Variants in ZNF354A observed in about 807,000 individuals in gnomAD.
ZNF354A encodes epididymis luminal protein 104.
In ZNF354A, 25 loss-of-function variants were observed where a neutral mutation model predicts 53.3. The observed-to-expected ratio is 0.47, with a 90% confidence interval of 0.34 to 0.66. The LOEUF (loss-of-function observed/expected upper bound fraction) is 0.66, where lower values mean the gene tolerates loss of function less well. ZNF354A is among the 30% of genes least tolerant of loss of function. The probability of loss-of-function intolerance (pLI) is 0.01; values close to 1 mark genes in which losing one functional copy is unlikely to be tolerated. For missense variants in ZNF354A, 586 were observed against 716.8 expected (o/e 0.82, Z 2.08); for synonymous variants, 228 against 249.0 (o/e 0.92, Z 0.79).
intron 4 of ZNF354A, among the ~76,000 whole-genome samples, chr5:178,717,077 C>CAGAA (rs1765729361): frequency 1.5e-5 from 1 of 65,522 alleles, no homozygotes; most frequent in Non-Finnish European, 2.8e-5. Flanking sequence ...GACTCCATCT[C>CAGAA]AAAAAAAAAA....
At chr5:178,727,982 G>A (rs1281289380) in intron 2 of ZNF354A, among the ~76,000 whole-genome samples, 1 of 152,066 alleles carries the variant, frequency 6.6e-6, no homozygotes, top group Non-Finnish European at 1.5e-5. Flanking sequence ...TCCTGAGTAG[G>A]TGGGATTACA....
chr5:178,729,409 G>C (rs1765981840), intron 1 of ZNF354A: 1 of 238,080 alleles, frequency 4.2e-6, no homozygotes, highest in South Asian at 4.8e-5. Flanking sequence ...GGCAGCGCCG[G>C]GGCACCTGCC....
Position 178,723,903 on chromosome 5 carries a change from C to CAGAATTTCAG in ZNF354A, c.256+1472_256+1473insCTGAAATTCT, listed in dbSNP as rs1363436576. Among the ~76,000 whole-genome samples, 291 of 152,106 alleles carry CAGAATTTCAG rather than the reference C, an allele frequency of 1.9e-3. 2 individuals are homozygous for CAGAATTTCAG. The highest frequency in any genetic ancestry group is 6.7e-3 in the African/African-American group (279 of 41,514). Reference sequence around the variant, plus strand: ...TCAGATTCCTCCTGCTTAAGCACCTCGCAAATGCTGTTTCCTGAAATTCGG... The same window carrying CAGAATTTCAG: ...TCAGATTCCTCCTGCTTAAGCACCTCAGAATTTCAGGCAAATGCTGTTTCCTGAAATTCGG... On this transcript the variant is annotated intron_variant, in intron 4 of 4. Transcript: ENST00000335815.
chr5:178,725,891 A>G (rs1430810709), intron 3 of ZNF354A, among the ~76,000 whole-genome samples: 1 of 152,096 alleles, frequency 6.6e-6, no homozygotes, highest in Non-Finnish European at 1.5e-5. Flanking sequence ...CTCTATTGCC[A>G]GGCTGGAGTG....
intron 1 of ZNF354A, among the ~76,000 whole-genome samples, chr5:178,730,119 C>T (rs62392853): frequency 0.24 from 36,538 of 151,864 alleles, 5,083 homozygotes; most frequent in South Asian, 0.34. Context: ...CCCGCTTCGG[C>T]CTCCCAAAGT....
rs189616481 is a variant in ZNF354A, at chr5:178,717,061, G to C, written c.257-3440C>G. 2.4e-3 allele frequency among the ~76,000 whole-genome samples: 322 copies of C among 135,184 alleles called. 2 individuals carry two copies. Among genetic ancestry groups the C allele is most frequent in the African/African-American group, 8.3e-3 (301 of 36,216 alleles). 88.7% of individuals were successfully genotyped at this position (135,184 alleles called of 152,430 possible). The stretch of plus-strand genomic sequence containing the variant: ...TGACTGCACACCAGCCTGGGCGACA[G>C]AGTGAGACTCCATCTCAAAAAAAAA... On this transcript the variant is annotated intron_variant, in intron 4 of 4. Transcript: ENST00000335815.
At chr5:178,718,336 G>A (rs1765752757) in intron 4 of ZNF354A, among the ~76,000 whole-genome samples, 1 of 152,210 alleles carries the variant, frequency 6.6e-6, no homozygotes, top group Admixed American at 6.5e-5. Flanking sequence ...ACCTAGGTCA[G>A]AAGTTGAGAA....
At chr5:178,727,425 A>G (rs759069421) in intron 2 of ZNF354A, among the ~76,000 whole-genome samples, 1 of 152,212 alleles carries the variant, frequency 6.6e-6, no homozygotes, top group African/African-American at 2.4e-5. Context: ...TAGAACCCTC[A>G]AAGTATACTC....
chr5:178,719,732 G>A (rs1284623561), intron 4 of ZNF354A, among the ~76,000 whole-genome samples: 3 of 152,092 alleles, frequency 2.0e-5, no homozygotes, highest in East Asian at 3.9e-4. Context: ...CGGATCACGA[G>A]GTCAGGAGAT....
At chr5:178,725,848 G>T (rs1765894204) in intron 3 of ZNF354A, among the ~76,000 whole-genome samples, 1 of 152,126 alleles carries the variant, frequency 6.6e-6, no homozygotes, top group Non-Finnish European at 1.5e-5. Context: ...AACACTATCT[G>T]ACTCCGCTTT....
intron 4 of ZNF354A, among the ~76,000 whole-genome samples, chr5:178,723,975 C>G (rs1054275051): frequency 1.3e-5 from 2 of 152,042 alleles, no homozygotes; most frequent in Non-Finnish European, 2.9e-5. Context: ...CTTCTAATGC[C>G]CATCATGCTA....
intron 4 of ZNF354A, among the ~76,000 whole-genome samples, chr5:178,716,538 T>C (rs904564176): frequency 2.0e-5 from 3 of 152,174 alleles, no homozygotes; most frequent in African/African-American, 7.2e-5. Context: ...GATAATGTAT[T>C]CAATAAGACA....
chr5:178,719,839 T>C (rs539047124), intron 4 of ZNF354A, among the ~76,000 whole-genome samples: 191 of 151,206 alleles, frequency 1.3e-3, no homozygotes, highest in Non-Finnish European at 7.1e-4. Context: ...CCCAGCTACT[T>C]GGGAGGCTGA....
intron 4 of ZNF354A, among the ~76,000 whole-genome samples, chr5:178,721,689 C>T (rs1003838884): frequency 3.9e-5 from 6 of 152,120 alleles, no homozygotes; most frequent in Non-Finnish European, 5.9e-5. Flanking sequence ...TTCTAGGCCC[C>T]CAGTTCTTCT....
intron 4 of ZNF354A, among the ~76,000 whole-genome samples, chr5:178,724,698 A>G (rs1212211602): frequency 1.3e-5 from 2 of 152,232 alleles, no homozygotes; most frequent in African/African-American, 4.8e-5. Flanking sequence ...TAATGTCATC[A>G]GCTAAGGTGT....
intron 4 of ZNF354A, among the ~76,000 whole-genome samples, chr5:178,716,936 G>A (rs1765724955): frequency 6.6e-6 from 1 of 151,712 alleles, no homozygotes; most frequent in Admixed American, 6.6e-5. Flanking sequence ...AAAATCAGCC[G>A]GGTGTGGTGG....
At chr5:178,716,137 C>T (rs1473309838) in intron 4 of ZNF354A, among the ~76,000 whole-genome samples, 2 of 152,014 alleles carry the variant, frequency 1.3e-5, no homozygotes, top group Non-Finnish European at 2.9e-5. Flanking sequence ...TCTCATGTTC[C>T]GCCCACCTCA....
Position 178,726,044 on chromosome 5 carries a change from A to G in ZNF354A, c.161-573T>C, listed in dbSNP as rs540909164. On this transcript the variant is annotated intron_variant, in intron 3 of 4. Transcript: ENST00000335815. ...TTTTCAGTAGAGACAGGGTTTCACCATGTTGGCCAGGATGGTCTTGATCTT... is the reference window on the plus strand; with the variant it reads ...TTTTCAGTAGAGACAGGGTTTCACCGTGTTGGCCAGGATGGTCTTGATCTT... 1.5e-4 allele frequency: 56 copies of G among 381,424 alleles called. No individual in the cohort carries two copies. The East Asian group carries it at 2.4e-3, about 16-fold the overall frequency. The allele number at this position is 381,424 out of a possible 1,614,324, so 23.6% of individuals were successfully genotyped here.
At chr5:178,726,316 C>CCT in intron 3 of ZNF354A, 1 of 342,058 alleles carries the variant, frequency 2.9e-6, no homozygotes, top group Admixed American at 3.5e-5. Flanking sequence ...TACTACGTGG[C>CCT]TTTTTTTTTT....
Sources: allele counts gnomAD v4.1 joint callset (sites outside exome capture counted in the v4.1 genomes callset), GRCh38; gene constraint gnomAD v4.1.1; transcripts MANE v1.5; gene names NCBI Gene and HGNC (gene_info 2026-07-23, HGNC 2026-07-21).